Variants in CFAP74 observed in about 807,000 individuals in gnomAD.
CFAP74 encodes cilia- and flagella-associated protein 74.
CFAP74 carries 124 observed loss-of-function variants against 188.9 expected under a neutral mutation model. That is an observed-to-expected ratio of 0.66 (90% confidence interval 0.57 to 0.76). CFAP74 has a LOEUF of 0.76. CFAP74 is among the 30% of genes least tolerant of loss of function. The probability of loss-of-function intolerance (pLI) is 0.00; values close to 1 mark genes in which losing one functional copy is unlikely to be tolerated. For missense variants in CFAP74, 2,198 were observed against 2,165.2 expected (o/e 1.02, Z -0.30); for synonymous variants, 956 against 916.7 (o/e 1.04, Z -0.77).
intron 22 of CFAP74, 50 bp downstream of exon 22, chr1:1,941,978 C>T: frequency 1.4e-6 from 2 of 1,429,108 alleles, no homozygotes; most frequent in Non-Finnish European, 1.8e-6. Context: ...GCCTCGGAGC[C>T]CACAACCTCC....
intron 9 of CFAP74, among the ~76,000 whole-genome samples, chr1:1,971,534 G>A (rs547724290): frequency 1.7e-4 from 26 of 152,394 alleles, no homozygotes; most frequent in East Asian, 5.8e-4. Flanking sequence ...CAAACTGTCC[G>A]CACATCCCAA....
At chr1:1,964,061 GA>G (rs1361183247) in intron 13 of CFAP74, among the ~76,000 whole-genome samples, 194 bp from the exon 14 acceptor site, 4 of 152,224 alleles carry the variant, frequency 2.6e-5, no homozygotes, top group African/African-American at 9.6e-5. Flanking sequence ...TCTGGGGGTG[GA>G]ACCTGTCACA....
rs1472283044 is a variant in CFAP74 at position 1,927,112 on chromosome 1, G to T, written c.3528-84C>A. ...CCGGACCCCTGCGGCTCTGCCTCAG[G>T]GTCCCAGGGTCCCAGGGTCCCAAGC... On this transcript the variant is annotated intron_variant, in intron 28 of 38. Transcript: ENST00000682832. 7 of 1,407,990 alleles carry T rather than the reference G, an allele frequency of 5.0e-6. No homozygotes were observed. In the East Asian group the frequency reaches 1.0e-4, roughly 20 times the overall value. 87.2% of individuals were successfully genotyped at this position (1,407,990 alleles called of 1,614,324 possible).
intron 10 of CFAP74, among the ~76,000 whole-genome samples, chr1:1,969,404 AG>A (rs1307275860): frequency 8.7e-6 from 1 of 114,992 alleles, no homozygotes; most frequent in East Asian, 2.4e-4. Flanking sequence ...TGCCCAGCTT[AG>A]CCCTGCCCTG....
At chr1:1,993,214 A>AG (rs1452369421) in intron 1 of CFAP74, among the ~76,000 whole-genome samples, 2 of 151,778 alleles carry the variant, frequency 1.3e-5, no homozygotes, top group African/African-American at 4.8e-5. Context: ...AAAAAAAAAA[A>AG]AAAAGAAACA....
rs886380380 is a variant in CFAP74, at chr1:1,926,978, G to A, written c.3578C>T (p.Ala1193Val). The A allele has an allele frequency of 1.1e-5, 17 of 1,550,126 alleles. No homozygotes were observed. Among genetic ancestry groups the A allele is most frequent in the Middle Eastern group, 1.7e-4 (1 of 6,012 alleles). The part of the protein sequence containing the change: ...ARATLLRAFQ[A>V]KFDTFVVPCV... The stretch of plus-strand genomic sequence containing the variant: ...GGGAACTACAAATGTGTCAAACTTC[G>A]CCTGGAACGCTCTGAGCAGGGTGGC... The change falls in exon 29 of 39, where the codon GCG becomes GTG. Residue 1193 changes from alanine to valine, a missense_variant. By Grantham distance (64) the Ala-to-Val change is moderately conservative. Coordinates refer to ENST00000682832, the MANE Select transcript of CFAP74 (RefSeq NM_001304360.2).
rs1479723083 is a variant in CFAP74 at position 1,974,125 on chromosome 1, C to T, written c.574G>A (p.Glu192Lys). 59 of 1,612,616 alleles carry T rather than the reference C, an allele frequency of 3.7e-5. No individual in the cohort carries two copies. Among genetic ancestry groups the T allele is most frequent in the Non-Finnish European group, 4.8e-5 (57 of 1,179,354 alleles). Reference protein sequence around the residue: ...AFRTADREEVEATGRRLQVRA... With the variant: ...AFRTADREEVKATGRRLQVRA... The stretch of plus-strand genomic sequence containing the variant: ...ACCTGGAGCCGCCGCCCCGTGGCCT[C>T]CACCTCCTCACGGTCAGCTGTCCGG... The change falls in exon 7 of 39, where the codon GAG becomes AAG. Residue 192 changes from glutamate (E) to lysine (K), a missense_variant. Coordinates refer to ENST00000682832, the MANE Select transcript of CFAP74 (RefSeq NM_001304360.2).
intron 1 of CFAP74, among the ~76,000 whole-genome samples, chr1:1,995,068 G>C (rs1476272588): frequency 6.6e-6 from 1 of 152,170 alleles, no homozygotes; most frequent in Non-Finnish European, 1.5e-5. Flanking sequence ...GTGGGATTGG[G>C]AACTGAGAGA....
At position 1,924,414 on chromosome 1, in the gene CFAP74, G is replaced by A. The variant is rs1209792916; in HGVS notation, c.4211C>T (p.Pro1404Leu). Residue 1404 changes from proline (P) to leucine (L), a missense_variant, in exon 34 of 39, where the codon CCC (proline) becomes CTC (leucine). Physicochemically the swap from Pro to Leu is moderately conservative, Grantham distance 98. Transcript: ENST00000682832. ...ACCGACCACCTCCGTCCTCTGGGAG[G>A]GCGAGCTGAGGAACTGCGGCAGCTG... ...QQQLPQFLSSPSQRTEVVGTQ... is the reference protein window; with the variant it reads ...QQQLPQFLSSLSQRTEVVGTQ... 4 of 1,520,928 alleles carry A rather than the reference G, an allele frequency of 2.6e-6. No individual in the cohort carries two copies. The South Asian group carries it at 3.6e-5, about 14-fold the overall frequency. 94.2% of individuals were successfully genotyped at this position (1,520,928 alleles called of 1,614,324 possible).
In CFAP74 at chr1:1,968,410, CT is replaced by C. The variant is rs1159524460; in HGVS notation, c.1245+224del. Among the ~76,000 whole-genome samples, 2 of 151,940 alleles carry C rather than the reference CT, an allele frequency of 1.3e-5. No individual in the cohort carries two copies. On this transcript the variant is annotated intron_variant, in intron 11 of 38. Transcript: ENST00000682832. This position sits in a 1 kb window ranked among gnomAD's most constrained non-coding sequence, Gnocchi z 4.3. ...AGACCAGGAGGACACTGGACCCTTG[CT>C]GGGGATGCTGCGGCCATGGGCCTCT... is the stretch of plus-strand genomic sequence containing the variant.
At chr1:1,977,060 G>A (rs1417731369) in intron 6 of CFAP74, among the ~76,000 whole-genome samples, 1 of 151,970 alleles carries the variant, frequency 6.6e-6, no homozygotes, top group Non-Finnish European at 1.5e-5. Context: ...GTGTTAGCCA[G>A]GATGGTCTCA....
Position 1,938,944 on chromosome 1 carries a change from G to C in CFAP74, c.2922C>G (p.Pro974=), listed in dbSNP as rs913368409. The change falls in exon 25 of 39, where the codon CCC becomes CCG. Residue 974 remains proline (P), a synonymous_variant. Transcript: ENST00000682832. ...TCACACAGAACTGCAGCGTTTCCAG[G>C]GGCAGGATCGTCCCAAACCCATCGT... ...QPNDGFGTIL[P]LETLQFCVIF... is the part of the protein sequence containing the mutation. 6.5e-6 allele frequency: 10 copies of C among 1,536,034 alleles called. No homozygotes were observed. Among genetic ancestry groups the C allele is most frequent in the African/African-American group, 1.4e-5 (1 of 73,058 alleles).
In CFAP74 at chr1:1,973,309, G is replaced by T. The variant is rs924334771; in HGVS notation, c.675-262C>A. ...CAAGGTTTGATCCCAGCTGGGCAGG[G>T]GTCTGGGAAGAGGACGGTGCAGGCA... is the stretch of plus-strand genomic sequence containing the variant. On this transcript the variant is annotated intron_variant, in intron 7 of 38. Coordinates refer to ENST00000682832, the MANE Select transcript of CFAP74 (RefSeq NM_001304360.2). This position sits in a 1 kb window ranked among gnomAD's most constrained non-coding sequence, Gnocchi z 6.2. Among the ~76,000 whole-genome samples, 5 of 152,212 alleles carry T rather than the reference G, an allele frequency of 3.3e-5. No homozygotes were observed. Among genetic ancestry groups the T allele is most frequent in the African/African-American group, 7.2e-5 (3 of 41,448 alleles).
chr1:1,990,503 C>T (rs1214596531), intron 2 of CFAP74, among the ~76,000 whole-genome samples: 2 of 152,002 alleles, frequency 1.3e-5, no homozygotes, highest in Non-Finnish European at 2.9e-5. Flanking sequence ...TCCCAGATTG[C>T]GATGGCCTGC....
chr1:1,963,533 C>CA (rs34937714), intron 14 of CFAP74, among the ~76,000 whole-genome samples: 64,795 of 148,840 alleles, frequency 0.44, 14,423 homozygotes, highest in African/African-American at 0.5. Flanking sequence ...GGCAGCCAGG[C>CA]AAAGTTCCAG....
At chr1:1,956,894 G>A (rs1007156742) in intron 16 of CFAP74, 110 bp from the exon 17 acceptor site, 61 of 1,060,768 alleles carry the variant, frequency 5.8e-5, no homozygotes, top group Admixed American at 9.0e-5. Flanking sequence ...ATTTGTGCGC[G>A]TTGTGCACTG....
At position 1,925,900 on chromosome 1, in the gene CFAP74, C is replaced by T. The variant is rs760635263; in HGVS notation, c.3987G>A (p.Thr1329=). The T allele has an allele frequency of 2.5e-6, 4 of 1,612,378 alleles. No homozygotes were observed. Among genetic ancestry groups the T allele is most frequent in the African/African-American group, 1.3e-5 (1 of 75,054 alleles). The change falls in exon 33 of 39, where the codon ACG becomes ACA. Residue 1329 remains threonine (T), a synonymous_variant. Coordinates refer to ENST00000682832, the MANE Select transcript of CFAP74 (RefSeq NM_001304360.2). ...CAGTGCCCATGAGGGTGAGGGTGAG[C>T]GTGCCTCTCTTGGTGATGATGTCCA... ...ETLDIITKRG[T]LTLTLMGTGV...
intron 18 of CFAP74, among the ~76,000 whole-genome samples, chr1:1,948,669 G>A (rs1653957283): frequency 6.8e-6 from 1 of 146,030 alleles, no homozygotes; most frequent in Non-Finnish European, 1.5e-5. Context: ...GCTCACTGCA[G>A]CCTCAACTTC....
At chr1:1,947,166 T>C (rs1653829489) in intron 18 of CFAP74, 112 bp from the exon 19 acceptor site, 14 of 813,342 alleles carry the variant, frequency 1.7e-5, no homozygotes, top group South Asian at 1.4e-4. Flanking sequence ...GGCTCTGTTC[T>C]TTCTGAACAT....
Sources: allele counts gnomAD v4.1 joint callset (sites outside exome capture counted in the v4.1 genomes callset), GRCh38; gene constraint gnomAD v4.1.1; non-coding constraint Gnocchi (gnomAD v3.1); transcripts MANE v1.5; gene names NCBI Gene and HGNC (gene_info 2026-07-23, HGNC 2026-07-21).